SCML4: variants seen among roughly 807,000 people sequenced by gnomAD.
SCML4 encodes Scm polycomb group protein like 4, also known as sex comb on midleg-like protein 4.
A neutral mutation model predicts 41.1 loss-of-function variants in SCML4; 34 were observed. That is an observed-to-expected ratio of 0.83 (90% CI 0.63 to 1.10). The LOEUF is 1.10. SCML4 is among the 50% of genes least tolerant of loss of function. SCML4 has a pLI of 0.00. For synonymous variants in SCML4, 214 were observed against 220.9 expected, an observed-to-expected ratio of 0.97 and a Z score of 0.28; for missense variants, 522 against 534.1, an observed-to-expected ratio of 0.98 and a Z score of 0.22.
intron 6 of SCML4, chr6:107,718,455 T>G (rs919237512): frequency 6.6e-6 from 1 of 152,502 alleles, no homozygotes; most frequent in African/African-American, 2.4e-5. Context: ...CGGGTATGTC[T>G]TTATTAGCAG....
chr6:107,716,784 C>T (rs1321933397), intron 6 of SCML4, among the ~76,000 whole-genome samples: 1 of 152,156 alleles, frequency 6.6e-6, no homozygotes, highest in Non-Finnish European at 1.5e-5. Flanking sequence ...GAATGAAAAC[C>T]ACATTTCCCA....
rs77177961 is a variant in SCML4 at position 107,814,517 on chromosome 6, T to C, written c.-60+9609A>G. Among the ~76,000 whole-genome samples, 691 of 152,344 alleles carry C rather than the reference T, an allele frequency of 4.5e-3. 5 individuals are homozygous for C. The highest frequency in any genetic ancestry group is 0.025 in the East Asian group (129 of 5,192). On this transcript the variant is annotated intron_variant, in intron 1 of 7. Coordinates refer to ENST00000369020, the MANE Select transcript of SCML4 (RefSeq NM_198081.5). The stretch of plus-strand genomic sequence containing the variant: ...TAGTGTTAATCATTTTAAGCCAACC[T>C]ACAGAAGAGTGAGGATTTTACAAAC...
At position 107,798,814 on chromosome 6, in the gene SCML4, C is replaced by T. The variant is rs190786413; in HGVS notation, c.-60+25312G>A. On this transcript the variant is annotated intron_variant, in intron 1 of 7. Transcript: ENST00000369020. ...GCTTTCTTTTCTGTTTTCATCAGTTCGAAATATTTTCTAATTTTCCTGGTG... is the reference window on the plus strand; with the variant it reads ...GCTTTCTTTTCTGTTTTCATCAGTTTGAAATATTTTCTAATTTTCCTGGTG... 3.3e-5 allele frequency among the ~76,000 whole-genome samples: 5 copies of T among 152,096 alleles called. No homozygotes were observed. In the East Asian group the frequency reaches 5.8e-4, roughly 18 times the overall value.
intron 1 of SCML4, among the ~76,000 whole-genome samples, chr6:107,807,756 T>G (rs1224396418): frequency 1.3e-5 from 2 of 152,232 alleles, no homozygotes; most frequent in Non-Finnish European, 2.9e-5. Context: ...AAACTTTGTT[T>G]GCAATTTGTG....
chr6:107,826,807 T>C (rs901256811), upstream of SCML4, among the ~76,000 whole-genome samples: 2 of 152,204 alleles, frequency 1.3e-5, no homozygotes, highest in Non-Finnish European at 2.9e-5. Flanking sequence ...CTCACGCCTG[T>C]AATCCCAGCA....
chr6:107,823,469 A>C (rs1039536477), intron 1 of SCML4, among the ~76,000 whole-genome samples: 1 of 152,150 alleles, frequency 6.6e-6, no homozygotes, highest in Non-Finnish European at 1.5e-5. Flanking sequence ...GCTTGGGAAA[A>C]CTGCCGCTAA....
At chr6:107,746,966 G>T in intron 3 of SCML4, 77 bp from the exon 4 acceptor site, 1 of 1,254,002 alleles carries the variant, frequency 8.0e-7, no homozygotes. Flanking sequence ...GTACACGGGG[G>T]ATGCCTCAGC....
At chr6:107,830,027 G>A in the SCML4 span, among the ~76,000 whole-genome samples, 4 of 152,076 alleles carry the variant, frequency 2.6e-5, no homozygotes, top group Non-Finnish European at 4.4e-5. Flanking sequence ...TCACTATCAC[G>A]AATATTTCTG....
chr6:107,768,987 T>A (rs1476532959), intron 2 of SCML4, among the ~76,000 whole-genome samples: 1 of 152,160 alleles, frequency 6.6e-6, no homozygotes, highest in Admixed American at 6.5e-5. Flanking sequence ...TTTTTGGTCA[T>A]GAAATGTAAG....
At chr6:107,731,280 C>T (rs1776516701) in intron 5 of SCML4, among the ~76,000 whole-genome samples, 1 of 152,216 alleles carries the variant, frequency 6.6e-6, no homozygotes, top group South Asian at 2.1e-4. Context: ...GCCCAGTGGG[C>T]TCGGACTATT....
chr6:107,769,527 C>T lies in SCML4; in HGVS notation c.156+2645G>A, dbSNP rs905943921. On this transcript the variant is annotated intron_variant, in intron 2 of 7. Coordinates refer to ENST00000369020, the MANE Select transcript of SCML4 (RefSeq NM_198081.5). ...CAGGCAAGAAGTGACAAATGTCAAC[C>T]AGCATAGACTTGTTATACAGTCAAC... Among the ~76,000 whole-genome samples the T allele has an allele frequency of 2.0e-5, 3 of 152,182 alleles. No homozygotes were observed. In the East Asian group the frequency reaches 5.8e-4, roughly 29 times the overall value.
intron 1 of SCML4, 40 bp from the exon 2 acceptor site, chr6:107,772,426 AG>A (rs1780598626): frequency 8.3e-7 from 1 of 1,204,152 alleles, no homozygotes; most frequent in African/African-American, 1.5e-5. Flanking sequence ...CAAAAACAGA[AG>A]GGTTTGTTTG....
intron 5 of SCML4, among the ~76,000 whole-genome samples, chr6:107,738,810 G>T (rs1441590881): frequency 6.6e-6 from 1 of 152,082 alleles, no homozygotes; most frequent in East Asian, 1.9e-4. Context: ...GTACAGGGCT[G>T]TTCTCTGCCA....
the SCML4 span, among the ~76,000 whole-genome samples, chr6:107,839,562 T>C: frequency 3.3e-5 from 5 of 152,310 alleles, no homozygotes; most frequent in East Asian, 3.8e-4. Context: ...GAAAATCTTA[T>C]AGAATGATTT....
the SCML4 span, among the ~76,000 whole-genome samples, chr6:107,831,895 TAC>T: frequency 1.3e-5 from 2 of 150,632 alleles, no homozygotes; most frequent in South Asian, 2.1e-4. Flanking sequence ...TACTAAAAAA[TAC>T]ACACACACAC....
At chr6:107,766,485 C>A (rs1220366110) in intron 2 of SCML4, among the ~76,000 whole-genome samples, 1 of 151,872 alleles carries the variant, frequency 6.6e-6, no homozygotes, top group Non-Finnish European at 1.5e-5. Context: ...AGATAAAAAA[C>A]AAAACTATTA....
At chr6:107,802,704 T>C in intron 1 of SCML4, among the ~76,000 whole-genome samples, 2 of 123,566 alleles carry the variant, frequency 1.6e-5, no homozygotes, top group African/African-American at 3.4e-5. Context: ...CCTCTCCCTC[T>C]CCCTCCTCTC....
intron 7 of SCML4, among the ~76,000 whole-genome samples, chr6:107,705,789 C>T (rs1042353457): frequency 6.6e-6 from 1 of 152,178 alleles, no homozygotes; most frequent in Non-Finnish European, 1.5e-5. Context: ...ACTCATTCCA[C>T]CTATGGAAGA....
At position 107,747,373 on chromosome 6, in the gene SCML4, A is replaced by T. The variant is rs558192863; in HGVS notation, c.287-484T>A. 3.9e-5 allele frequency among the ~76,000 whole-genome samples: 6 copies of T among 152,334 alleles called. No homozygotes were observed. In the South Asian group the frequency reaches 1.0e-3, roughly 26 times the overall value. The stretch of plus-strand genomic sequence containing the variant: ...ATATATTCAACAAAGCTCTACAGAC[A>T]GTGCTATTTACAATCTCAGAGAAAA... On this transcript the variant is annotated intron_variant, in intron 3 of 7. Coordinates refer to ENST00000369020, the MANE Select transcript of SCML4 (RefSeq NM_198081.5).
Sources: gnomAD v4.1 joint callset for allele counts (sites outside exome capture counted in the v4.1 genomes callset) on GRCh38, gnomAD v4.1.1 for gene constraint, MANE v1.5 for transcripts, NCBI Gene and HGNC (gene_info 2026-07-23, HGNC 2026-07-21) for gene names.